Variants in MACROD1 observed in about 807,000 individuals in gnomAD.
MACROD1 encodes ADP-ribose glycohydrolase MACROD1.
A neutral mutation model predicts 41.4 loss-of-function variants in MACROD1; 31 were observed. The ratio of observed to expected loss-of-function variants is 0.75; its 90% CI spans 0.56 to 1.01. The LOEUF is 1.01. Among genes scored for constraint, MACROD1 ranks in the 50% least tolerant of loss-of-function variants. MACROD1 has a pLI of 0.00. For synonymous variants in MACROD1, 252 were observed against 203.4 expected, an observed-to-expected ratio of 1.24 and a Z score of -2.03; for missense variants, 473 against 460.0, an observed-to-expected ratio of 1.03 and a Z score of -0.26.
At chr11:64,048,861 A>T (rs947629065) in intron 3 of MACROD1, among the ~76,000 whole-genome samples, 1 of 152,146 alleles carries the variant, frequency 6.6e-6, no homozygotes, top group Non-Finnish European at 1.5e-5. Context: ...GGGCCATCCC[A>T]TGGTGCAAAC....
chr11:64,005,517 G>A (rs529014324), intron 4 of MACROD1, among the ~76,000 whole-genome samples: 1 of 152,358 alleles, frequency 6.6e-6, no homozygotes, highest in African/African-American at 2.4e-5. Flanking sequence ...CCTGGGCAAG[G>A]TTGTGGGGGT....
At chr11:64,144,427 T>C (rs577382996) in intron 3 of MACROD1, among the ~76,000 whole-genome samples, 1 of 152,308 alleles carries the variant, frequency 6.6e-6, no homozygotes, top group East Asian at 1.9e-4. Context: ...GTATGTTGCA[T>C]GGATGAAAGT....
intron 3 of MACROD1, among the ~76,000 whole-genome samples, chr11:64,086,248 G>A (rs993188279): frequency 2.0e-5 from 3 of 151,584 alleles, no homozygotes; most frequent in Admixed American, 1.3e-4. Context: ...TCTTGCATTC[G>A]GGGCCAGAGG....
At chr11:64,118,101 C>G (rs766264961) in intron 3 of MACROD1, 1 of 1,611,514 alleles carries the variant, frequency 6.2e-7, no homozygotes, top group African/African-American at 1.3e-5. Flanking sequence ...TAACTCCATC[C>G]TGGAAATCCG....
chr11:64,117,596 G>A lies in MACROD1; in HGVS notation c.517+33643C>T, dbSNP rs780491263. ...GCGCCAAGACCCTGGCCATCCACGT[G>A]AAGGCCCTGACGGCAGACTCCATCC... On this transcript the variant is annotated intron_variant, in intron 3 of 10. Transcript: ENST00000255681. 5 of 1,613,240 alleles carry A rather than the reference G, an allele frequency of 3.1e-6. No homozygotes were observed. The African/African-American group carries it at 4.0e-5, about 13-fold the overall frequency.
At position 64,165,967 on chromosome 11, in the gene MACROD1, G is replaced by A; in HGVS notation, c.28C>T (p.Arg10Cys). 1 of 1,296,126 alleles carries A rather than the reference G, an allele frequency of 7.7e-7. No individual in the cohort carries two copies. Among genetic ancestry groups the A allele is most frequent in the Non-Finnish European group, 9.7e-7 (1 of 1,028,462 alleles). 80.3% of individuals were successfully genotyped at this position (1,296,126 alleles called of 1,614,324 possible). A position where few individuals can be genotyped will look rare whatever the true frequency, so the allele number is the denominator to read the frequency against. Residue 10 changes from arginine to cysteine, a missense_variant, in exon 1 of 11, where the codon CGC (arginine) becomes TGC (cysteine). Coordinates refer to ENST00000255681, the MANE Select transcript of MACROD1 (RefSeq NM_014067.4). MSLQSRLSG[R>C]LAQLRAAGQL... ...CCCGCCGCGCGCAGCTGTGCCAGGC[G>A]GCCGGACAGTCGGCTCTGTAGAGAC...
At chr11:64,135,996 G>A (rs956401706) in intron 3 of MACROD1, among the ~76,000 whole-genome samples, 2 of 152,228 alleles carry the variant, frequency 1.3e-5, no homozygotes, top group African/African-American at 4.8e-5. Flanking sequence ...TGCTGTGGGC[G>A]GCCCGATGGA....
chr11:64,097,574 C>T (rs970481804), intron 3 of MACROD1, among the ~76,000 whole-genome samples: 18 of 152,324 alleles, frequency 1.2e-4, no homozygotes, highest in African/African-American at 3.6e-4. Flanking sequence ...CGGCCTGGCT[C>T]GCACACTCTC....
rs1945077137 is a variant in MACROD1, at chr11:64,120,317, T to C, written c.517+30922A>G. On this transcript the variant is annotated intron_variant, in intron 3 of 10. Transcript: ENST00000255681. This position sits in a 1 kb window ranked among gnomAD's most constrained non-coding sequence, Gnocchi z 4.5. ...TCGAAACTAGACGTGTTTTTCCTTT[T>C]CCTGCCTGAATCATTTTCTCACACA... Among the ~76,000 whole-genome samples the C allele has an allele frequency of 6.6e-6, 1 of 152,204 alleles. No individual in the cohort carries two copies. The highest frequency in any genetic ancestry group is 2.4e-5 in the African/African-American group (1 of 41,448).
rs1019632939 is a variant in MACROD1 at position 64,139,577 on chromosome 11, C to T, written c.517+11662G>A. On this transcript the variant is annotated intron_variant, in intron 3 of 10. Coordinates refer to ENST00000255681, the MANE Select transcript of MACROD1 (RefSeq NM_014067.4). Reference sequence around the variant, plus strand: ...CCTCACTGCTAATAACAGTCACTACCGTTTATGAGCCCCTCCAGTGTGGTA... The same window carrying T: ...CCTCACTGCTAATAACAGTCACTACTGTTTATGAGCCCCTCCAGTGTGGTA... 2.6e-5 allele frequency among the ~76,000 whole-genome samples: 4 copies of T among 152,270 alleles called. No homozygotes were observed. In the East Asian group the frequency reaches 5.8e-4, roughly 22 times the overall value.
intron 1 of MACROD1, among the ~76,000 whole-genome samples, chr11:64,159,891 A>G (rs990666633): frequency 2.0e-5 from 3 of 152,220 alleles, no homozygotes; most frequent in African/African-American, 4.8e-5. Context: ...CAAAAGACTG[A>G]AAGTCTCCCA....
chr11:64,155,879 C>A (rs1945659727), intron 1 of MACROD1, among the ~76,000 whole-genome samples: 1 of 151,964 alleles, frequency 6.6e-6, no homozygotes, highest in Non-Finnish European at 1.5e-5. Context: ...GAGGCCGAGA[C>A]AGGTGGATCA....
At position 64,045,129 on chromosome 11, in the gene MACROD1, C is replaced by T. The variant is rs140404932; in HGVS notation, c.518-29848G>A. Among the ~76,000 whole-genome samples the T allele has an allele frequency of 1.3e-3, 192 of 152,050 alleles. 4 individuals are homozygous for T. The East Asian group carries it at 0.033, about 26-fold the overall frequency. On this transcript the variant is annotated intron_variant, in intron 3 of 10. Transcript: ENST00000255681. ...TGGTGGGTGGCATGTGCTTCTGCCTCGGCCGAGTGCTTTTCTGCAGCCCAG... is the reference window on the plus strand; with the variant it reads ...TGGTGGGTGGCATGTGCTTCTGCCTTGGCCGAGTGCTTTTCTGCAGCCCAG...
At position 64,090,548 on chromosome 11, in the gene MACROD1, G is replaced by A. The variant is rs1401378790; in HGVS notation, c.517+60691C>T. ...CCTCGACCGGCTCTGCCTGCTCACA[G>A]GTGGCTGGGCCAGGAGGCTCCGGGA... On this transcript the variant is annotated intron_variant, in intron 3 of 10. Transcript: ENST00000255681. The surrounding 1 kb of genome is among the most constrained non-coding windows in gnomAD (Gnocchi z 4.7). Among the ~76,000 whole-genome samples the A allele has an allele frequency of 2.0e-5, 3 of 152,152 alleles. No individual in the cohort carries two copies. The highest frequency in any genetic ancestry group is 7.2e-5 in the African/African-American group (3 of 41,428).
At position 64,166,051 on chromosome 11, in the gene MACROD1, G is replaced by C; in HGVS notation, c.-57C>G. On this transcript the variant is annotated 5_prime_UTR_variant, in exon 1 of 11. Coordinates refer to ENST00000255681, the MANE Select transcript of MACROD1 (RefSeq NM_014067.4). The stretch of plus-strand genomic sequence containing the variant: ...CTTGGACTCTATTTACGGCGCTCGG[G>C]AGTGTCTCTCCCTTATTTACTCTGG... 8.1e-7 allele frequency: 1 copy of C among 1,240,274 alleles called. No homozygotes were observed. 76.8% of individuals were successfully genotyped at this position (1,240,274 alleles called of 1,614,324 possible).
chr11:64,072,784 G>C (rs946028192), intron 3 of MACROD1, among the ~76,000 whole-genome samples: 4 of 152,214 alleles, frequency 2.6e-5, no homozygotes, highest in Non-Finnish European at 5.9e-5. Context: ...TCTCTGTCTT[G>C]CTTTGTGTTG....
chr11:64,050,763 C>T (rs1590840383), intron 3 of MACROD1, among the ~76,000 whole-genome samples: 2 of 152,224 alleles, frequency 1.3e-5, no homozygotes, highest in Admixed American at 6.5e-5. Context: ...GGATTACAGG[C>T]GCATGCCATA....
At chr11:64,052,573 G>A (rs986961170) in intron 3 of MACROD1, among the ~76,000 whole-genome samples, 7 of 152,178 alleles carry the variant, frequency 4.6e-5, no homozygotes, top group African/African-American at 1.7e-4. Context: ...CTCCTCACCC[G>A]CTGCTCTTGG....
In MACROD1 at chr11:64,103,849, C is replaced by T. The variant is rs1378701051; in HGVS notation, c.517+47390G>A. 6 of 152,296 alleles carry T rather than the reference C, an allele frequency of 3.9e-5. No homozygotes were observed. The East Asian group carries it at 7.6e-4, about 19-fold the overall frequency. The allele number at this position is 152,296 out of a possible 1,614,324, so 9.4% of individuals were successfully genotyped here. ...GTACCCCTTGCACACAGGACCCTCA[C>T]TCTGCAGGGATAAGCCAGCTGCGCC... On this transcript the variant is annotated intron_variant, in intron 3 of 10. Coordinates refer to ENST00000255681, the MANE Select transcript of MACROD1 (RefSeq NM_014067.4).
Sources: gnomAD v4.1 joint callset for allele counts (sites outside exome capture counted in the v4.1 genomes callset) on GRCh38, gnomAD v4.1.1 for gene constraint, Gnocchi (gnomAD v3.1) non-coding constraint, MANE v1.5 for transcripts, NCBI Gene and HGNC (gene_info 2026-07-23, HGNC 2026-07-21) for gene names.